Variants in ELFN2 observed in about 807,000 individuals in gnomAD.
ELFN2 encodes the protein protein phosphatase 1 regulatory subunit 29.
In ELFN2, 17 loss-of-function variants were observed where a neutral mutation model predicts 45.5. That is an observed-to-expected ratio of 0.37 (90% CI 0.26 to 0.56). The LOEUF (loss-of-function observed/expected upper bound fraction) is 0.56. ELFN2 is among the 20% of genes least tolerant of loss of function. The pLI is 0.77. For missense variants in ELFN2, 922 were observed against 1,183.2 expected (o/e 0.78, Z 3.24); for synonymous variants, 550 against 551.5 (o/e 1.00, Z 0.04).
At position 37,369,728 on chromosome 22, in the gene ELFN2, C is replaced by T. The variant is rs996541518; in HGVS notation, c.*3344G>A. 2 of 152,400 alleles carry T rather than the reference C, an allele frequency of 1.3e-5. No individual in the cohort carries two copies. Among genetic ancestry groups the T allele is most frequent in the African/African-American group, 4.8e-5 (2 of 41,456 alleles). 9.4% of individuals were successfully genotyped at this position (152,400 alleles called of 1,614,324 possible). A position where few individuals can be genotyped will look rare whatever the true frequency, so the allele number is the denominator to read the frequency against. On this transcript the variant is annotated 3_prime_UTR_variant, in exon 3 of 3. Coordinates refer to ENST00000402918, the MANE Select transcript of ELFN2 (RefSeq NM_052906.5). ...GATTCTCCAACAGAGGCAGGCAAGC[C>T]CAGGTGTGACCTTGTTCCGGCCCAA...
At chr22:37,354,009 C>A (rs1188915551) in intron 1 of ELFN2, 1 of 152,186 alleles carries the variant, frequency 6.6e-6, no homozygotes, top group Non-Finnish European at 1.5e-5. Flanking sequence ...GGGAAACGAC[C>A]CAAATGTCCA....
intron 1 of ELFN2, among the ~76,000 whole-genome samples, chr22:37,426,356 G>GCA (rs133719): frequency 0.043 from 6,184 of 143,618 alleles, 201 homozygotes; most frequent in African/African-American, 0.087. Context: ...GCGCGCGCGC[G>GCA]CACACACACA....
At chr22:37,405,597 T>G (rs1295857275) in intron 2 of ELFN2, among the ~76,000 whole-genome samples, 1 of 152,056 alleles carries the variant, frequency 6.6e-6, no homozygotes, top group Non-Finnish European at 1.5e-5. Context: ...GATGTGCTGA[T>G]GCCCGAATAA....
chr22:37,386,692 G>A (rs985262660), intron 2 of ELFN2, among the ~76,000 whole-genome samples: 3 of 152,146 alleles, frequency 2.0e-5, no homozygotes, highest in African/African-American at 7.2e-5. Flanking sequence ...ATCGAGCCCC[G>A]GAAACTCCCC....
intron 1 of ELFN2, among the ~76,000 whole-genome samples, chr22:37,358,204 A>T (rs1280205961): frequency 6.6e-6 from 1 of 152,112 alleles, no homozygotes; most frequent in Non-Finnish European, 1.5e-5. Flanking sequence ...CCACGGCTGC[A>T]TCGGCCCTAG....
intron 1 of ELFN2, among the ~76,000 whole-genome samples, chr22:37,347,061 C>A (rs948164336): frequency 6.6e-6 from 1 of 152,148 alleles, no homozygotes; most frequent in Non-Finnish European, 1.5e-5. Flanking sequence ...TCACTGCAAC[C>A]TCTGCCCCCC....
rs1201818130 is a variant in ELFN2, at chr22:37,348,219, T to C, written n.149-5516A>G. ...TGTATGAGGCATTTGGCCTTCATGC[T>C]GGGGAAGGAGGAGAGCAGGGCCCAT... is the stretch of plus-strand genomic sequence containing the variant. On this transcript the variant is annotated intron_variant and non_coding_transcript_variant, in intron 1 of 2. Transcript: ENST00000452946. Among the ~76,000 whole-genome samples, 7 of 152,296 alleles carry C rather than the reference T, an allele frequency of 4.6e-5. No homozygotes were observed. In the East Asian group the frequency reaches 1.4e-3, roughly 29 times the overall value.
At chr22:37,362,690 C>G (rs4821647) in intron 1 of ELFN2, among the ~76,000 whole-genome samples, 51,645 of 151,960 alleles carry the variant, frequency 0.34, 9,790 homozygotes, top group Admixed American at 0.55. Context: ...CTTGCTTGGG[C>G]CAATTACTGT....
intron 1 of ELFN2, chr22:37,420,555 T>G (rs1932802507): frequency 6.5e-6 from 1 of 152,782 alleles, no homozygotes; most frequent in Admixed American, 6.5e-5. Context: ...ATTCGCCCTG[T>G]GCAAGGTGCT....
Position 37,373,257 on chromosome 22 carries a change from C to T in ELFN2, c.2278G>A (p.Glu760Lys). 2 of 1,613,820 alleles carry T rather than the reference C, an allele frequency of 1.2e-6. No homozygotes were observed. The highest frequency in any genetic ancestry group is 1.7e-6 in the Non-Finnish European group (2 of 1,179,970). Residue 760 changes from glutamate (E) to lysine (K), a missense_variant, in exon 3 of 3, where the codon GAG becomes AAG. Physicochemically the swap from Glu to Lys is moderately conservative, Grantham distance 56. Around this residue, in one of 2 missense-constraint regions of ELFN2, gnomAD observed 564 missense variants for 642.8 expected, o/e 0.88. Transcript: ENST00000402918. The stretch of plus-strand genomic sequence containing the variant: ...TTGTGCGTGCTCTCGGATGAGTACT[C>T]GGGGCTGGAGGAGTACCCTGAGTAG... ...HYYSGYSSSPEYSSESTHKIW... is the reference protein window; with the variant it reads ...HYYSGYSSSPKYSSESTHKIW...
intron 2 of ELFN2, among the ~76,000 whole-genome samples, chr22:37,402,275 G>A (rs1259691025): frequency 6.6e-6 from 1 of 152,178 alleles, no homozygotes; most frequent in Non-Finnish European, 1.5e-5. Flanking sequence ...TTTGTCTTCC[G>A]GGGCAAGCTG....
intron 2 of ELFN2, among the ~76,000 whole-genome samples, chr22:37,399,625 C>CG (rs1472953392): frequency 2.4e-4 from 36 of 149,826 alleles, no homozygotes; most frequent in Non-Finnish European, 5.2e-4. Context: ...CCACCGACCA[C>CG]GGGGACCACC....
intron 2 of ELFN2, among the ~76,000 whole-genome samples, chr22:37,395,267 T>C (rs1373505380): frequency 6.6e-6 from 1 of 152,152 alleles, no homozygotes; most frequent in Non-Finnish European, 1.5e-5. Flanking sequence ...TGCCTGTGCC[T>C]GGTTCCAGCA....
At position 37,373,480 on chromosome 22, in the gene ELFN2, G is replaced by A. The variant is rs775523636; in HGVS notation, c.2055C>T (p.Gly685=). 4.5e-5 allele frequency: 70 copies of A among 1,541,674 alleles called. No individual in the cohort carries two copies. Among genetic ancestry groups the A allele is most frequent in the East Asian group, 1.7e-4 (7 of 41,112 alleles). ...DRLPLVPAGS[G]GGSGGGGGIH... is the part of the protein sequence containing the mutation. ...TGCCCCCGCCCCCGCCGCTGCCCCC[G>A]CCGCTGCCCGCCGGCACCAGCGGGA... The change falls in exon 3 of 3, where the codon GGC becomes GGT. Residue 685 remains glycine, a synonymous_variant. Coordinates refer to ENST00000402918, the MANE Select transcript of ELFN2 (RefSeq NM_052906.5).
chr22:37,346,773 C>T (rs114125132), intron 1 of ELFN2, among the ~76,000 whole-genome samples: 2,344 of 152,218 alleles, frequency 0.015, 55 homozygotes, highest in African/African-American at 0.054. Flanking sequence ...ACCGTACACA[C>T]ACGTTGCAAA....
chr22:37,359,012 G>T (rs911867868), intron 1 of ELFN2, among the ~76,000 whole-genome samples: 8 of 152,104 alleles, frequency 5.3e-5, no homozygotes, highest in African/African-American at 1.7e-4. Flanking sequence ...CGTGGGGCTG[G>T]AAGTCACCAA....
At chr22:37,405,834 G>C (rs1248065341) in intron 2 of ELFN2, among the ~76,000 whole-genome samples, 1 of 149,542 alleles carries the variant, frequency 6.7e-6, no homozygotes, top group Non-Finnish European at 1.5e-5. Context: ...AAAAAAAAAA[G>C]GGTGGAGGGG....
At chr22:37,399,220 C>G (rs552696184) in intron 2 of ELFN2, among the ~76,000 whole-genome samples, 2 of 152,266 alleles carry the variant, frequency 1.3e-5, no homozygotes, top group Non-Finnish European at 2.9e-5. Flanking sequence ...CCATCCCCGC[C>G]CAGTGAGTGC....
chr22:37,384,558 C>T (rs1296004987), intron 2 of ELFN2, among the ~76,000 whole-genome samples: 3 of 137,718 alleles, frequency 2.2e-5, no homozygotes, highest in African/African-American at 8.3e-5. Context: ...CCCCACCCCC[C>T]ACGACCTCTA....
Sources: gnomAD v4.1 joint callset for allele counts (sites outside exome capture counted in the v4.1 genomes callset) on GRCh38, gnomAD v4.1.1 for gene constraint, gnomAD v4.1.1 regional missense constraint, MANE v1.5 for transcripts, NCBI Gene and HGNC (gene_info 2026-07-23, HGNC 2026-07-21) for gene names.